METTL24: variants seen among roughly 807,000 people sequenced by gnomAD.
The protein encoded by METTL24 is methyltransferase like 24, also known as probable methyltransferase-like protein 24.
A neutral mutation model predicts 32.7 loss-of-function variants in METTL24; 29 were observed. The observed-to-expected ratio is 0.89, with a 90% CI of 0.66 to 1.21. METTL24 has a LOEUF of 1.21. METTL24 is among the 50% of genes most tolerant of loss of function. METTL24 has a pLI of 0.00. For synonymous variants in METTL24, 163 were observed against 179.5 expected, an observed-to-expected ratio of 0.91 and a Z score of 0.73; for missense variants, 439 against 468.1, an observed-to-expected ratio of 0.94 and a Z score of 0.57.
chr6:110,300,905 T>C (rs1385841153), intron 3 of METTL24, among the ~76,000 whole-genome samples: 1 of 152,240 alleles, frequency 6.6e-6, no homozygotes, highest in African/African-American at 2.4e-5. Context: ...TTAGGTATTA[T>C]AAGTAATCTA....
Position 110,358,301 on chromosome 6 carries a change from C to A in METTL24, c.-29G>T. On this transcript the variant is annotated 5_prime_UTR_variant, in exon 1 of 5. Transcript: ENST00000338882. ...GCTACACTCGGGGTCCCGCGGGCCG[C>A]GCCTGGCCGGCAGCAGGGATGTAGC... 7.1e-7 allele frequency: 1 copy of A among 1,418,012 alleles called. No homozygotes were observed. Among genetic ancestry groups the A allele is most frequent in the Non-Finnish European group, 9.2e-7 (1 of 1,090,994 alleles). 87.8% of individuals were successfully genotyped at this position (1,418,012 alleles called of 1,614,324 possible).
chr6:110,355,456 T>C (rs1419825336), intron 1 of METTL24, among the ~76,000 whole-genome samples: 1 of 152,138 alleles, frequency 6.6e-6, no homozygotes, highest in Non-Finnish European at 1.5e-5. Flanking sequence ...AAGCTAAACA[T>C]TTCCTTTACT....
chr6:110,353,858 A>G (rs1772657559), intron 1 of METTL24, among the ~76,000 whole-genome samples: 1 of 152,160 alleles, frequency 6.6e-6, no homozygotes. Context: ...TAAATCATGA[A>G]GACCATATCT....
At chr6:110,288,491 A>G (rs1436935293) in intron 4 of METTL24, among the ~76,000 whole-genome samples, 1 of 152,198 alleles carries the variant, frequency 6.6e-6, no homozygotes, top group Non-Finnish European at 1.5e-5. Flanking sequence ...CAAACCTACG[A>G]CAACTGGCTC....
At chr6:110,330,670 G>C (rs1230136400) in intron 1 of METTL24, among the ~76,000 whole-genome samples, 1 of 152,162 alleles carries the variant, frequency 6.6e-6, no homozygotes, top group Non-Finnish European at 1.5e-5. Flanking sequence ...GCATACATGG[G>C]ATACACATGG....
Position 110,358,098 on chromosome 6 carries a change from G to A in METTL24, c.175C>T (p.Pro59Ser), listed in dbSNP as rs532918477. The change falls in exon 1 of 5, where the codon CCG (proline) becomes TCG (serine). Residue 59 changes from proline to serine, a missense_variant. Transcript: ENST00000338882. ...CCGCGCGGCTGGCCCGGCGCGGGCGGCAGGTGCGGCCCAGGTGGCCGCCAG... is the reference window on the plus strand; with the variant it reads ...CCGCGCGGCTGGCCCGGCGCGGGCGACAGGTGCGGCCCAGGTGGCCGCCAG... ...PAWRPPGPHL[P>S]PAPGQPRGAS... The A allele has an allele frequency of 8.2e-4, 822 of 1,006,900 alleles. No individual in the cohort carries two copies. In the African/African-American group the frequency reaches 0.013, roughly 16 times the overall value. 62.4% of individuals were successfully genotyped at this position (1,006,900 alleles called of 1,614,324 possible). A position where few individuals can be genotyped will look rare whatever the true frequency, so the allele number is the denominator to read the frequency against.
At chr6:110,308,306 G>A (rs748464240) in intron 3 of METTL24, among the ~76,000 whole-genome samples, 3 of 152,192 alleles carry the variant, frequency 2.0e-5, no homozygotes, top group Non-Finnish European at 2.9e-5. Context: ...GTGGGTTGTG[G>A]CACTGTTTCA....
Position 110,311,674 on chromosome 6 carries a change from A to G in METTL24, c.557+3668T>C, listed in dbSNP as rs967444370. On this transcript the variant is annotated intron_variant, in intron 3 of 4. Coordinates refer to ENST00000338882, the MANE Select transcript of METTL24 (RefSeq NM_001123364.3). ...TTTTTAGTAGAAACAGGGTTTCACC[A>G]TGTTGGCCAGGCTTGTCTCGAACTC... 4.6e-5 allele frequency among the ~76,000 whole-genome samples: 7 copies of G among 152,014 alleles called. No homozygotes were observed. In the South Asian group the frequency reaches 1.0e-3, roughly 23 times the overall value.
chr6:110,291,247 ACTGT>A (rs1771314053), intron 4 of METTL24, among the ~76,000 whole-genome samples: 2 of 152,186 alleles, frequency 1.3e-5, no homozygotes, highest in South Asian at 4.1e-4. Flanking sequence ...TAAGAAATAT[ACTGT>A]CTAAAAAATG....
chr6:110,247,487 T>C (rs1020300421), intron 4 of METTL24, among the ~76,000 whole-genome samples: 1 of 152,190 alleles, frequency 6.6e-6, no homozygotes, highest in Admixed American at 6.5e-5. Flanking sequence ...TATGGGTCAG[T>C]GAGTAAAGTA....
At position 110,250,321 on chromosome 6, in the gene METTL24, G is replaced by A. The variant is rs558146140; in HGVS notation, c.787-4061C>T. The stretch of plus-strand genomic sequence containing the variant: ...CAATCTTCAACATTCCTTGGCTCCT[G>A]CATCACCTGATCTCTGCCTTCATCT... On this transcript the variant is annotated intron_variant, in intron 4 of 4. Transcript: ENST00000338882. Among the ~76,000 whole-genome samples the A allele has an allele frequency of 2.0e-5, 3 of 151,970 alleles. No homozygotes were observed. The East Asian group carries it at 5.8e-4, about 29-fold the overall frequency.
intron 1 of METTL24, among the ~76,000 whole-genome samples, chr6:110,330,111 G>A (rs1772087395): frequency 6.6e-6 from 1 of 152,252 alleles, no homozygotes; most frequent in Non-Finnish European, 1.5e-5. Context: ...GGCTCCAGGA[G>A]GCGGGGCGTC....
chr6:110,284,577 T>G (rs1255160693), intron 4 of METTL24, among the ~76,000 whole-genome samples: 1 of 152,012 alleles, frequency 6.6e-6, no homozygotes, highest in African/African-American at 2.4e-5. Context: ...TACTAGATCA[T>G]GGGAACATAG....
intron 1 of METTL24, among the ~76,000 whole-genome samples, chr6:110,329,256 CA>C (rs1772070868): frequency 6.6e-6 from 1 of 152,168 alleles, no homozygotes; most frequent in Non-Finnish European, 1.5e-5. Context: ...TTCTGTGCAT[CA>C]CAGTTGTGTG....
At chr6:110,258,652 A>C (rs2114697217) in intron 4 of METTL24, among the ~76,000 whole-genome samples, 1 of 152,190 alleles carries the variant, frequency 6.6e-6, no homozygotes, top group African/African-American at 2.4e-5. Flanking sequence ...GCCAGTAGGG[A>C]CTTTGTGAAA....
intron 3 of METTL24, among the ~76,000 whole-genome samples, chr6:110,314,872 G>A (rs1245392109): frequency 1.3e-5 from 2 of 152,158 alleles, no homozygotes; most frequent in Admixed American, 1.3e-4. Context: ...GCTGTGGTGG[G>A]AAGATCACTG....
chr6:110,315,518 T>C, intron 2 of METTL24, 37 bp from the exon 3 acceptor site: 1 of 1,610,244 alleles, frequency 6.2e-7, no homozygotes, highest in Non-Finnish European at 8.5e-7. Context: ...TAATTTGAAA[T>C]GTTGGATGAT....
At chr6:110,291,555 A>AT (rs1489442376) in intron 4 of METTL24, among the ~76,000 whole-genome samples, 1 of 151,934 alleles carries the variant, frequency 6.6e-6, no homozygotes, top group Non-Finnish European at 1.5e-5. Context: ...AAAAACTTCT[A>AT]TTTTCCTTTT....
At chr6:110,324,199 T>C (rs1388366321) in intron 1 of METTL24, among the ~76,000 whole-genome samples, 5 of 152,146 alleles carry the variant, frequency 3.3e-5, no homozygotes, top group African/African-American at 9.7e-5. Flanking sequence ...GCTTTGGAAG[T>C]GATCAAGGGT....
Sources: allele counts gnomAD v4.1 joint callset (sites outside exome capture counted in the v4.1 genomes callset), GRCh38; gene constraint gnomAD v4.1.1; transcripts MANE v1.5; gene names NCBI Gene and HGNC (gene_info 2026-07-23, HGNC 2026-07-21).